IRAG1: variants seen among roughly 807,000 people sequenced by gnomAD.
The protein encoded by IRAG1 is IP3R-associated cGMP kinase substrate.
Under a neutral mutation model 106.2 loss-of-function variants are expected in IRAG1, and 62 were observed. The observed-to-expected ratio is 0.58, with a 90% confidence interval of 0.48 to 0.72. The LOEUF is 0.72. Ranked by LOEUF, IRAG1 falls within the 30% of genes least tolerant of loss-of-function variation. The pLI, the probability that IRAG1 is intolerant of heterozygous loss-of-function variation, is 0.00. For missense variants in IRAG1, 1,064 were observed against 1,140.7 expected (o/e 0.93, Z 0.97); for synonymous variants, 462 against 443.9 (o/e 1.04, Z -0.51).
intron 15 of IRAG1, among the ~76,000 whole-genome samples, chr11:10,598,817 T>G (rs1591579906): frequency 6.6e-6 from 1 of 152,252 alleles, no homozygotes; most frequent in African/African-American, 2.4e-5. Flanking sequence ...AAATTTCATA[T>G]TCAGAAAGAA....
intron 9 of IRAG1, 35 bp from the exon 10 acceptor site, chr11:10,623,891 T>C: frequency 6.3e-7 from 1 of 1,577,386 alleles, no homozygotes; most frequent in Non-Finnish European, 8.7e-7. Context: ...CAATTTCAGA[T>C]GATGACACTG....
chr11:10,580,446 G>C lies in IRAG1; in HGVS notation c.2495+9C>G. On this transcript the variant is annotated intron_variant, in intron 20 of 20. Coordinates refer to ENST00000423302, the MANE Select transcript of IRAG1 (RefSeq NM_130385.4). Reference sequence around the variant, plus strand: ...GCAACGGCAAGGACTCCAAACACAGGCTTCCCACCTGCTTCTTGGGCCCTT... The same window carrying C: ...GCAACGGCAAGGACTCCAAACACAGCCTTCCCACCTGCTTCTTGGGCCCTT... 5.0e-6 allele frequency: 8 copies of C among 1,607,126 alleles called. No individual in the cohort carries two copies. The highest frequency in any genetic ancestry group is 1.3e-5 in the African/African-American group (1 of 74,292).
In IRAG1 at chr11:10,628,762, G is replaced by A. The variant is rs1409901383; in HGVS notation, c.641C>T (p.Pro214Leu). 1 of 1,543,494 alleles carries A rather than the reference G, an allele frequency of 6.5e-7. No homozygotes were observed. Among genetic ancestry groups the A allele is most frequent in the Non-Finnish European group, 8.7e-7 (1 of 1,151,250 alleles). The change falls in exon 6 of 21, where the codon CCC becomes CTC. Residue 214 changes from proline to leucine, a missense_variant. Transcript: ENST00000423302. This position sits in a 1 kb window ranked among gnomAD's most constrained non-coding sequence, Gnocchi z 4.1. ...CAGCTGGGCCTCACCTGGCGGGGTG[G>A]GGACTGTAAGTGAGTTGCTCCGAGA... Reference protein sequence around the residue: ...TSSRSNSLTVPTPPGLDVCSG... With the variant: ...TSSRSNSLTVLTPPGLDVCSG...
At position 10,659,164 on chromosome 11, in the gene IRAG1, G is replaced by A. The variant is rs905785994; in HGVS notation, c.68-6982C>T. 3.3e-5 allele frequency among the ~76,000 whole-genome samples: 5 copies of A among 152,182 alleles called. No homozygotes were observed. In the South Asian group the frequency reaches 1.0e-3, roughly 31 times the overall value. ...CCAAAACAGAGGTTTTTGTTCCACA[G>A]GTGAGACATGAGGCCTAGTGTGGAA... On this transcript the variant is annotated intron_variant, in intron 1 of 20. Transcript: ENST00000423302. This position sits in a 1 kb window ranked among gnomAD's most constrained non-coding sequence, Gnocchi z 4.1.
At chr11:10,680,852 G>T (rs914852620) in intron 1 of IRAG1, among the ~76,000 whole-genome samples, 29 of 152,222 alleles carry the variant, frequency 1.9e-4, no homozygotes, top group Middle Eastern at 3.4e-3. Context: ...AGGTCCTTGG[G>T]GCCGGGCGGG....
chr11:10,582,677 T>C (rs1464443906), intron 18 of IRAG1, among the ~76,000 whole-genome samples: 1 of 151,876 alleles, frequency 6.6e-6, no homozygotes, highest in Non-Finnish European at 1.5e-5. Context: ...AGGAGAGGGT[T>C]GGGTGTGGTG....
At position 10,653,667 on chromosome 11, in the gene IRAG1, C is replaced by T. The variant is rs376047090; in HGVS notation, c.68-1485G>A. 5.6e-4 allele frequency among the ~76,000 whole-genome samples: 85 copies of T among 152,248 alleles called. 1 individual carries two copies. The South Asian group carries it at 0.013, about 23-fold the overall frequency. On this transcript the variant is annotated intron_variant, in intron 1 of 20. Transcript: ENST00000423302. ...GGCTTCATCTCTGAGTCCCAGTTTT[C>T]TTGTCAAAACAGATAAGAATGCCTC... is the stretch of plus-strand genomic sequence containing the variant.
At chr11:10,692,471 A>T (rs1479521146) in intron 1 of IRAG1, among the ~76,000 whole-genome samples, 1 of 152,004 alleles carries the variant, frequency 6.6e-6, no homozygotes, top group Non-Finnish European at 1.5e-5. Flanking sequence ...GGGGTAGGGG[A>T]GTGCAGGGGG....
At chr11:10,617,776 C>T (rs1011439322) in intron 10 of IRAG1, among the ~76,000 whole-genome samples, 1 of 152,206 alleles carries the variant, frequency 6.6e-6, no homozygotes, top group Non-Finnish European at 1.5e-5. Context: ...TCAACTCCAT[C>T]TCCTCATCAA....
chr11:10,693,449 C>A, intron 1 of IRAG1, 87 bp downstream of exon 1: 2 of 1,517,698 alleles, frequency 1.3e-6, no homozygotes, highest in Non-Finnish European at 1.8e-6. Flanking sequence ...ACCCCCATCC[C>A]AGCACCCTGT....
intron 1 of IRAG1, among the ~76,000 whole-genome samples, chr11:10,692,195 G>GCACACACACACACACACACA (rs111745329): frequency 6.6e-6 from 1 of 150,956 alleles, no homozygotes; most frequent in Non-Finnish European, 1.5e-5. Context: ...AAATATGCAT[G>GCACACACACACACACACACA]CACACACACA....
intron 2 of IRAG1, among the ~76,000 whole-genome samples, chr11:10,640,199 C>G (rs1857418732): frequency 6.6e-6 from 1 of 152,174 alleles, no homozygotes; most frequent in Admixed American, 6.5e-5. Context: ...TGAAGCAAAG[C>G]TCTCCTGACT....
intron 9 of IRAG1, among the ~76,000 whole-genome samples, chr11:10,625,327 C>T (rs1591630129): frequency 6.6e-6 from 1 of 152,106 alleles, no homozygotes; most frequent in East Asian, 1.9e-4. Flanking sequence ...ATTGCTTTGT[C>T]CTGTTATCTG....
chr11:10,687,926 C>G (rs983349193), intron 1 of IRAG1: 5 of 548,352 alleles, frequency 9.1e-6, no homozygotes, highest in Non-Finnish European at 1.3e-5. Context: ...CATTACAGGT[C>G]GAGCATTCCA....
At chr11:10,653,673 A>C (rs1858704075) in intron 1 of IRAG1, among the ~76,000 whole-genome samples, 1 of 152,102 alleles carries the variant, frequency 6.6e-6, no homozygotes, top group Admixed American at 6.5e-5. Flanking sequence ...TTTTCTTGTC[A>C]AAACAGATAA....
At chr11:10,679,144 A>G (rs1458608052) in intron 1 of IRAG1, among the ~76,000 whole-genome samples, 1 of 152,234 alleles carries the variant, frequency 6.6e-6, no homozygotes, top group African/African-American at 2.4e-5. Context: ...CTAGTTCTAC[A>G]TGAGACCAGG....
At position 10,623,826 on chromosome 11, in the gene IRAG1, C is replaced by A. The variant is rs747588014; in HGVS notation, c.1399G>T (p.Val467Leu). ...CTAAGGTCTGGAAGCTTGAGCCCCACTAAGTTCTGATTTCTCATCAGGATG... is the reference window on the plus strand; with the variant it reads ...CTAAGGTCTGGAAGCTTGAGCCCCAATAAGTTCTGATTTCTCATCAGGATG... Reference protein sequence around the residue: ...EHILMRNQNLVGLKLPDLSEA... With the variant: ...EHILMRNQNLLGLKLPDLSEA... Residue 467 changes from valine to leucine, a missense_variant, in exon 10 of 21, where the codon GTG becomes TTG. Coordinates refer to ENST00000423302, the MANE Select transcript of IRAG1 (RefSeq NM_130385.4). The A allele has an allele frequency of 3.1e-6, 5 of 1,613,942 alleles. No homozygotes were observed. The highest frequency in any genetic ancestry group is 3.4e-6 in the Non-Finnish European group (4 of 1,179,918).
At position 10,619,022 on chromosome 11, in the gene IRAG1, T is replaced by G. The variant is rs1004263057; in HGVS notation, c.1447+4756A>C. Among the ~76,000 whole-genome samples, 4 of 152,100 alleles carry G rather than the reference T, an allele frequency of 2.6e-5. No individual in the cohort carries two copies. The East Asian group carries it at 5.8e-4, about 22-fold the overall frequency. ...TTGAGTTAGCCAAGGGGACTGATAA[T>G]GGTAGCTGGGACAAGGCCTTCTCCC... On this transcript the variant is annotated intron_variant, in intron 10 of 20. Coordinates refer to ENST00000423302, the MANE Select transcript of IRAG1 (RefSeq NM_130385.4).
At chr11:10,608,257 TG>T (rs1359153393) in intron 11 of IRAG1, among the ~76,000 whole-genome samples, 2 of 152,154 alleles carry the variant, frequency 1.3e-5, no homozygotes, top group Admixed American at 6.5e-5. Flanking sequence ...CCAGAGTAGC[TG>T]GGACTATGGG....
Sources: gnomAD v4.1 joint callset for allele counts (sites outside exome capture counted in the v4.1 genomes callset) on GRCh38, gnomAD v4.1.1 for gene constraint, Gnocchi (gnomAD v3.1) non-coding constraint, MANE v1.5 for transcripts, NCBI Gene and HGNC (gene_info 2026-07-23, HGNC 2026-07-21) for gene names.